The following TENM4 variants were observed in gnomAD, a reference collection of about 807,000 sequenced individuals.
The protein encoded by TENM4 is teneurin transmembrane protein 4.
TENM4 carries 82 observed loss-of-function variants against 243.3 expected under a neutral mutation model. That is an observed-to-expected ratio of 0.34 (90% CI 0.28 to 0.40). TENM4 has a LOEUF of 0.40. Ranked by LOEUF, TENM4 falls within the 10% of genes least tolerant of loss-of-function variation. TENM4 has a pLI of 1.00. For synonymous variants in TENM4, 1,412 were observed against 1,456.3 expected, an observed-to-expected ratio of 0.97 and a Z score of 0.69; for missense variants, 3,138 against 3,673.3, an observed-to-expected ratio of 0.85 and a Z score of 3.77.
chr11:79,030,215 T>A (rs1369164699), intron 6 of TENM4, among the ~76,000 whole-genome samples: 2 of 152,082 alleles, frequency 1.3e-5, no homozygotes, highest in African/African-American at 2.4e-5. Flanking sequence ...CTTACATGGA[T>A]TATTTGATTC....
intron 6 of TENM4, among the ~76,000 whole-genome samples, chr11:79,037,676 T>C (rs1014279721): frequency 2.0e-5 from 3 of 152,154 alleles, no homozygotes; most frequent in South Asian, 2.1e-4. Context: ...CTTTTCTCCA[T>C]GATTTGTCTA....
At chr11:78,860,014 T>C (rs1181326775) in intron 10 of TENM4, among the ~76,000 whole-genome samples, 3 of 152,232 alleles carry the variant, frequency 2.0e-5, no homozygotes, top group Non-Finnish European at 4.4e-5. Flanking sequence ...ATTTGGAAAA[T>C]ATAGTATGAA....
At chr11:79,075,512 A>G (rs1860518001) in intron 4 of TENM4, among the ~76,000 whole-genome samples, 1 of 152,274 alleles carries the variant, frequency 6.6e-6, no homozygotes, top group Non-Finnish European at 1.5e-5. Flanking sequence ...TGTCAATGCC[A>G]TCATCATTAT....
In TENM4 at chr11:78,856,066, C is replaced by T; in HGVS notation, c.1368G>A (p.Val456=). 6.4e-7 allele frequency: 1 copy of T among 1,551,702 alleles called. No individual in the cohort carries two copies. Among genetic ancestry groups the T allele is most frequent in the Non-Finnish European group, 8.7e-7 (1 of 1,147,008 alleles). ...TCAGATGCACAGGATGGTCTATGAA[C>T]ACTTGAGATCTCCAGAAAGTGCCAG... ...IPPGTFWRSQ[V]FIDHPVHLKF... is the part of the protein sequence containing the mutation. The change falls in exon 11 of 34, where the codon GTG becomes GTA. Residue 456 remains valine (V), a synonymous_variant. Coordinates refer to ENST00000278550, the MANE Select transcript of TENM4 (RefSeq NM_001098816.3).
intron 6 of TENM4, among the ~76,000 whole-genome samples, chr11:79,026,244 T>C (rs1425178405): frequency 1.3e-5 from 2 of 152,120 alleles, no homozygotes; most frequent in South Asian, 4.2e-4. Flanking sequence ...CCAGAAATAG[T>C]TAAAAATGTA....
At chr11:79,398,456 T>C (rs1330238375) in intron 1 of TENM4, among the ~76,000 whole-genome samples, 2 of 152,148 alleles carry the variant, frequency 1.3e-5, no homozygotes, top group Non-Finnish European at 2.9e-5. Context: ...GCAGACCATC[T>C]AACCTCTCTA....
intron 6 of TENM4, among the ~76,000 whole-genome samples, chr11:78,943,289 A>T (rs1856942486): frequency 6.6e-6 from 1 of 152,202 alleles, no homozygotes. Flanking sequence ...TATGTTCTGA[A>T]GCTTGAGTTA....
At chr11:79,268,998 A>G (rs554625963) in intron 2 of TENM4, among the ~76,000 whole-genome samples, 1 of 152,386 alleles carries the variant, frequency 6.6e-6, no homozygotes, top group African/African-American at 2.4e-5. Flanking sequence ...GTCTTTAAAT[A>G]GAACACACAC....
chr11:78,798,845 C>G lies in TENM4; in HGVS notation c.2179+6447G>C, dbSNP rs544423488. On this transcript the variant is annotated intron_variant, in intron 15 of 33. Transcript: ENST00000278550. ...GTGACAACCTTCTCCATTTCCTCTC[C>G]CATCCCATTACTGGCCAAGTTCACT... is the stretch of plus-strand genomic sequence containing the variant. Among the ~76,000 whole-genome samples, 14 of 152,230 alleles carry G rather than the reference C, an allele frequency of 9.2e-5. No homozygotes were observed. The East Asian group carries it at 2.7e-3, about 29-fold the overall frequency.
intron 1 of TENM4, among the ~76,000 whole-genome samples, chr11:79,356,971 G>T (rs984298364): frequency 3.3e-5 from 5 of 152,064 alleles, no homozygotes; most frequent in African/African-American, 9.7e-5. Context: ...TCAGTATGCT[G>T]CTGGAGGGAA....
intron 1 of TENM4, among the ~76,000 whole-genome samples, chr11:79,408,450 A>T (rs1858619544): frequency 6.6e-6 from 1 of 152,236 alleles, no homozygotes; most frequent in African/African-American, 2.4e-5. Flanking sequence ...TGCAAGTCAC[A>T]GAGGCAGAGC....
At chr11:79,109,119 G>A (rs947213313) in intron 4 of TENM4, among the ~76,000 whole-genome samples, 4 of 152,186 alleles carry the variant, frequency 2.6e-5, no homozygotes, top group African/African-American at 9.7e-5. Context: ...TAACATTTAC[G>A]GCCGTGAGCA....
At chr11:78,676,416 C>T in intron 29 of TENM4, 29 bp from the exon 30 acceptor site, 2 of 1,546,672 alleles carry the variant, frequency 1.3e-6, no homozygotes, top group Non-Finnish European at 1.8e-6. Flanking sequence ...ACAGACTGCT[C>T]AGAAGGAACG....
chr11:78,904,789 G>A (rs961181909), intron 6 of TENM4, among the ~76,000 whole-genome samples: 1 of 152,182 alleles, frequency 6.6e-6, no homozygotes, highest in Non-Finnish European at 1.5e-5. Flanking sequence ...GTGCCCAAGG[G>A]TTTGTGGCTA....
rs73500658 is a variant in TENM4 at position 78,916,005 on chromosome 11, G to A, written c.494-12482C>T. 2.9e-3 allele frequency among the ~76,000 whole-genome samples: 447 copies of A among 152,278 alleles called. 4 individuals carry two copies. The highest frequency in any genetic ancestry group is 9.9e-3 in the African/African-American group (413 of 41,550). On this transcript the variant is annotated intron_variant, in intron 6 of 33. Coordinates refer to ENST00000278550, the MANE Select transcript of TENM4 (RefSeq NM_001098816.3). ...CTGTGGCTCAGGCTCAAGCTGCCTCGGGATCAAATCTCACCTGCCCTGCAT... is the reference window on the plus strand; with the variant it reads ...CTGTGGCTCAGGCTCAAGCTGCCTCAGGATCAAATCTCACCTGCCCTGCAT...
chr11:78,663,981 C>T (rs1858090762), intron 32 of TENM4, among the ~76,000 whole-genome samples: 1 of 152,160 alleles, frequency 6.6e-6, no homozygotes, highest in Admixed American at 6.5e-5. Context: ...ATTTGGAGCC[C>T]AGTTCTACTT....
chr11:79,245,930 A>G (rs1408300226), intron 2 of TENM4, among the ~76,000 whole-genome samples: 2 of 142,084 alleles, frequency 1.4e-5, no homozygotes, highest in African/African-American at 5.6e-5. Flanking sequence ...ACAGAGAAAG[A>G]CTTTGTCTAA....
chr11:78,745,876 A>C (rs1856039802), intron 19 of TENM4, among the ~76,000 whole-genome samples: 1 of 152,164 alleles, frequency 6.6e-6, no homozygotes, highest in African/African-American at 2.4e-5. Flanking sequence ...TTTATAACTT[A>C]TTTCAAAGCT....
intron 6 of TENM4, among the ~76,000 whole-genome samples, chr11:79,039,316 A>G (rs952341186): frequency 3.3e-5 from 5 of 152,144 alleles, no homozygotes; most frequent in Non-Finnish European, 7.4e-5. Context: ...GTGATGGCAA[A>G]GTGAATGCCA....
Sources: allele counts gnomAD v4.1 joint callset (sites outside exome capture counted in the v4.1 genomes callset), GRCh38; gene constraint gnomAD v4.1.1; transcripts MANE v1.5; gene names NCBI Gene and HGNC (gene_info 2026-07-23, HGNC 2026-07-21).